Variants in MARCHF1 observed in about 807,000 individuals in gnomAD.
MARCHF1 encodes the protein E3 ubiquitin-protein ligase MARCHF1.
A neutral mutation model predicts 54.2 loss-of-function variants in MARCHF1; 40 were observed. That is an observed-to-expected ratio of 0.74 (90% CI 0.57 to 0.96). MARCHF1 has a LOEUF of 0.96. Among genes scored for constraint, MARCHF1 ranks in the 40% least tolerant of loss-of-function variants. MARCHF1 has a pLI of 0.00. For missense variants in MARCHF1, 586 were observed against 656.5 expected (o/e 0.89, Z 1.17); for synonymous variants, 236 against 236.3 (o/e 1.00, Z 0.01).
rs555333352 is a variant in MARCHF1 at position 163,870,151 on chromosome 4, A to G, written c.-38-15982T>C. Among the ~76,000 whole-genome samples the G allele has an allele frequency of 4.6e-5, 7 of 152,274 alleles. No homozygotes were observed. The East Asian group carries it at 1.3e-3, about 29-fold the overall frequency. On this transcript the variant is annotated intron_variant, in intron 3 of 9. Coordinates refer to ENST00000514618, the MANE Select transcript of MARCHF1 (RefSeq NM_001394959.1). ...GCTAAACAGGATTTCTGTGTACTTC[A>G]AGTATAATAATGTAAAGGAAAAAAA...
At chr4:163,535,019 A>G (rs1397806461) in intron 9 of MARCHF1, among the ~76,000 whole-genome samples, 2 of 152,072 alleles carry the variant, frequency 1.3e-5, no homozygotes, top group Non-Finnish European at 1.5e-5. Context: ...GACAAATATA[A>G]TACTTTAAAG....
At chr4:164,096,964 G>T (rs1056836610) in intron 2 of MARCHF1, among the ~76,000 whole-genome samples, 1 of 151,984 alleles carries the variant, frequency 6.6e-6, no homozygotes, top group African/African-American at 2.4e-5. Flanking sequence ...AAAACCCCGG[G>T]GAGTCTACTA....
At chr4:163,732,623 A>G (rs1745877023) in intron 4 of MARCHF1, among the ~76,000 whole-genome samples, 1 of 152,162 alleles carries the variant, frequency 6.6e-6, no homozygotes, top group Admixed American at 6.5e-5. Flanking sequence ...CCAGAGGACA[A>G]AAGACACATT....
Position 163,764,519 on chromosome 4 carries a change from A to G in MARCHF1, c.112-63656T>C, listed in dbSNP as rs192517396. Among the ~76,000 whole-genome samples the G allele has an allele frequency of 2.4e-4, 36 of 152,186 alleles. No individual in the cohort carries two copies. The East Asian group carries it at 6.2e-3, about 26-fold the overall frequency. ...ACATCAAAGAACATCATAAAACATA[A>G]TAAATAGATAGTTTTTACGTTAAGA... On this transcript the variant is annotated intron_variant, in intron 4 of 9. Transcript: ENST00000514618.
intron 2 of MARCHF1, among the ~76,000 whole-genome samples, chr4:164,080,235 A>T (rs1006728644): frequency 5.3e-5 from 8 of 152,250 alleles, no homozygotes; most frequent in African/African-American, 1.9e-4. Context: ...ACTAAGCCTT[A>T]GCTAACCTAT....
chr4:163,768,735 G>A lies in MARCHF1; in HGVS notation c.112-67872C>T, dbSNP rs747163589. Among the ~76,000 whole-genome samples the A allele has an allele frequency of 2.2e-4, 33 of 152,224 alleles. 1 individual carries two copies. Among genetic ancestry groups the A allele is most frequent in the African/African-American group, 7.9e-4 (33 of 41,578 alleles). Reference sequence around the variant, plus strand: ...TGTAACCTTTTGCACTTTGTAATATGTTTCTGAAAACTAATCTCTCTGGAA... The same window carrying A: ...TGTAACCTTTTGCACTTTGTAATATATTTCTGAAAACTAATCTCTCTGGAA... On this transcript the variant is annotated intron_variant, in intron 4 of 9. Transcript: ENST00000514618.
intron 2 of MARCHF1, among the ~76,000 whole-genome samples, chr4:164,076,326 A>G (rs1754979941): frequency 6.6e-6 from 1 of 152,208 alleles, no homozygotes; most frequent in Non-Finnish European, 1.5e-5. Flanking sequence ...AAAGGCCTTC[A>G]ATAAAATTCA....
intron 1 of MARCHF1, among the ~76,000 whole-genome samples, chr4:164,375,937 C>A (rs1239570237): frequency 2.6e-5 from 4 of 152,200 alleles, no homozygotes; most frequent in Non-Finnish European, 5.9e-5. Context: ...CTTCCCCAGA[C>A]CTCCCTGGCT....
At chr4:163,549,400 C>G (rs760954541) in intron 8 of MARCHF1, among the ~76,000 whole-genome samples, 1 of 152,012 alleles carries the variant, frequency 6.6e-6, no homozygotes, top group Non-Finnish European at 1.5e-5. Context: ...AATGGTAAGA[C>G]GGCAGCTCCC....
intron 1 of MARCHF1, among the ~76,000 whole-genome samples, chr4:164,147,407 A>G (rs1306237510): frequency 7.0e-6 from 1 of 141,872 alleles, no homozygotes; most frequent in African/African-American, 2.9e-5. Context: ...ACAATAGCAA[A>G]GACTTGGAAC....
chr4:164,126,443 T>A (rs891880781), intron 1 of MARCHF1, among the ~76,000 whole-genome samples: 9 of 152,190 alleles, frequency 5.9e-5, no homozygotes, highest in Admixed American at 2.0e-4. Context: ...AGTCACTCAC[T>A]TTATGGTATT....
In MARCHF1 at chr4:164,257,851, C is replaced by T. The variant is rs138894086; in HGVS notation, c.-323+126019G>A. Reference sequence around the variant, plus strand: ...GGGCATGGTGGCAGGTGCCTGTAGTCCCAGCTACTCTGGGGGCTGAGGCAG... The same window carrying T: ...GGGCATGGTGGCAGGTGCCTGTAGTTCCAGCTACTCTGGGGGCTGAGGCAG... On this transcript the variant is annotated intron_variant, in intron 1 of 9. Coordinates refer to ENST00000514618, the MANE Select transcript of MARCHF1 (RefSeq NM_001394959.1). Among the ~76,000 whole-genome samples the T allele has an allele frequency of 5.4e-3, 828 of 152,174 alleles. 3 individuals carry two copies. The highest frequency in any genetic ancestry group is 0.02 in the Middle Eastern group (6 of 294).
chr4:164,207,341 T>C (rs1287478827), intron 1 of MARCHF1, among the ~76,000 whole-genome samples: 2 of 152,256 alleles, frequency 1.3e-5, no homozygotes, highest in African/African-American at 4.8e-5. Flanking sequence ...AGTTTATTCA[T>C]TTATTCATTT....
chr4:163,584,563 T>C (rs1462116193), intron 8 of MARCHF1: 1 of 152,158 alleles, frequency 6.6e-6, no homozygotes, highest in African/African-American at 2.4e-5. Context: ...GGTTACCCCA[T>C]TGTTAAAAAA....
At chr4:163,608,529 C>G (rs1002672278) in intron 7 of MARCHF1, among the ~76,000 whole-genome samples, 2 of 152,100 alleles carry the variant, frequency 1.3e-5, no homozygotes, top group Non-Finnish European at 2.9e-5. Flanking sequence ...CTAACATGAT[C>G]TGATTCATGT....
Position 163,591,101 on chromosome 4 carries a change from CTTAAT to C in MARCHF1, c.1011-5177_1011-5173del, listed in dbSNP as rs549339611. On this transcript the variant is annotated intron_variant, in intron 7 of 9. Transcript: ENST00000514618. ...TTAATTATTGTCACTTAATTGATCA[CTTAAT>C]TTAATCCTTATTAACAGTCTATGAC... is the stretch of plus-strand genomic sequence containing the variant. Among the ~76,000 whole-genome samples, 100 of 151,582 alleles carry C rather than the reference CTTAAT, an allele frequency of 6.6e-4. 2 individuals are homozygous for C. In the East Asian group the frequency reaches 0.019, roughly 29 times the overall value.
chr4:164,264,144 A>T (rs992613593), intron 1 of MARCHF1, among the ~76,000 whole-genome samples: 6 of 152,240 alleles, frequency 3.9e-5, no homozygotes, highest in African/African-American at 1.4e-4. Flanking sequence ...CATATACACC[A>T]TGGAATACTA....
intron 3 of MARCHF1, among the ~76,000 whole-genome samples, chr4:163,857,494 A>G (rs1749801951): frequency 6.6e-6 from 1 of 152,296 alleles, no homozygotes; most frequent in Admixed American, 6.5e-5. Flanking sequence ...ATACCAAAAT[A>G]GGAAAGTGGT....
chr4:163,660,401 C>A (rs1297845119), intron 5 of MARCHF1, among the ~76,000 whole-genome samples: 2 of 151,606 alleles, frequency 1.3e-5, no homozygotes, highest in Non-Finnish European at 2.9e-5. Flanking sequence ...CGGGGCCTGT[C>A]GGTGGGTGGG....
Sources: gnomAD v4.1 joint callset for allele counts (sites outside exome capture counted in the v4.1 genomes callset) on GRCh38, gnomAD v4.1.1 for gene constraint, MANE v1.5 for transcripts, NCBI Gene and HGNC (gene_info 2026-07-23, HGNC 2026-07-21) for gene names.